The following TP53AIP1 variants were observed in gnomAD, a reference collection of about 807,000 sequenced individuals.
TP53AIP1 encodes the protein p53-regulated apoptosis-inducing protein 1.
TP53AIP1 carries 14 observed loss-of-function variants against 9.5 expected under a neutral mutation model. The ratio of observed to expected loss-of-function variants is 1.47; its 90% CI spans 0.97 to 2.30. TP53AIP1 has a LOEUF of 2.30. Among genes scored for constraint, TP53AIP1 ranks in the 30% most tolerant of loss-of-function variants. TP53AIP1 has a pLI of 0.00. For synonymous variants in TP53AIP1, 73 were observed against 61.2 expected (o/e 1.19, Z -0.90); for missense variants, 153 against 146.7 (o/e 1.04, Z -0.22).
Position 128,939,331 on chromosome 11 carries a change from G to A in TP53AIP1, c.-76-1437C>T, listed in dbSNP as rs1440443923. On this transcript the variant is annotated intron_variant, in intron 1 of 3. Transcript: ENST00000531399. This position sits in a 1 kb window ranked among gnomAD's most constrained non-coding sequence, Gnocchi z 4.1. ...CCCAGAAGAGCTGCCCAGGACAAGT[G>A]ATCCTGCGGCCCATTGCTCACTCCC... Among the ~76,000 whole-genome samples the A allele has an allele frequency of 1.3e-5, 2 of 152,170 alleles. No individual in the cohort carries two copies. The highest frequency in any genetic ancestry group is 6.5e-5 in the Admixed American group (1 of 15,280).
In TP53AIP1 at chr11:128,937,417, T is replaced by C. The variant is rs543279990; in HGVS notation, c.141+261A>G. The C allele has an allele frequency of 4.8e-6, 7 of 1,448,838 alleles. No homozygotes were observed. In the South Asian group the frequency reaches 1.0e-4, roughly 21 times the overall value. 89.7% of individuals were successfully genotyped at this position (1,448,838 alleles called of 1,614,324 possible). ...AAAAGCCTTGTTTCTCAGAAAACCT[T>C]TCTGCCTCCTAGAAACCCAGGATTC... On this transcript the variant is annotated intron_variant, in intron 2 of 3. Transcript: ENST00000531399. The surrounding 1 kb of genome is among the most constrained non-coding windows in gnomAD (Gnocchi z 4.8).
rs1944793283 is a variant in TP53AIP1 at position 128,935,428 on chromosome 11, C to T, written c.*163G>A. The T allele has an allele frequency of 1.4e-6, 2 of 1,417,438 alleles. No individual in the cohort carries two copies. Among genetic ancestry groups the T allele is most frequent in the Non-Finnish European group, 1.8e-6 (2 of 1,092,606 alleles). 87.8% of individuals were successfully genotyped at this position (1,417,438 alleles called of 1,614,324 possible). On this transcript the variant is annotated 3_prime_UTR_variant, in exon 4 of 4. Coordinates refer to ENST00000531399, the MANE Select transcript of TP53AIP1 (RefSeq NM_022112.3). ...ACAGAAGGATGCAAAATGAGGCAAC[C>T]TAGCCACCCAACTGGCCCAGTGGTC...
downstream of TP53AIP1, chr11:128,935,144 G>A (rs562248995): frequency 1.8e-4 from 139 of 783,018 alleles, no homozygotes; most frequent in Admixed American, 3.2e-4. Flanking sequence ...GACACCCAGC[G>A]GGGGCCCGGG....
Position 128,937,685 on chromosome 11 carries a change from G to A in TP53AIP1, c.134C>T (p.Pro45Leu). 6.2e-7 allele frequency: 1 copy of A among 1,614,200 alleles called. No individual in the cohort carries two copies. Among genetic ancestry groups the A allele is most frequent in the South Asian group, 1.1e-5 (1 of 91,078 alleles). Reference protein sequence around the residue: ...PPNGRAQTHTPGWVSDPLVLG... With the variant: ...PPNGRAQTHTLGWVSDPLVLG... The stretch of plus-strand genomic sequence containing the variant: ...TTCACTGCAGGGACTTACCCAGCCA[G>A]GTGTGTGTGTCTGAGCCCTGCCATT... Residue 45 changes from proline (P) to leucine (L), a missense_variant, in exon 2 of 4, where the codon CCT becomes CTT. Pro to Leu is a moderately conservative substitution (Grantham distance 98, BLOSUM62 -3). Coordinates refer to ENST00000531399, the MANE Select transcript of TP53AIP1 (RefSeq NM_022112.3). The surrounding 1 kb of genome is among the most constrained non-coding windows in gnomAD (Gnocchi z 4.8).
rs191861207 is a variant in TP53AIP1, at chr11:128,941,887, T to C, written c.-77+907A>G. 1.6e-3 allele frequency among the ~76,000 whole-genome samples: 238 copies of C among 152,348 alleles called. 1 individual carries two copies. The highest frequency in any genetic ancestry group is 5.3e-3 in the African/African-American group (220 of 41,570). On this transcript the variant is annotated intron_variant, in intron 1 of 3. Transcript: ENST00000531399. Reference sequence around the variant, plus strand: ...TGTGGCTGTGCTGCGGAAGCAGATCTGGGTGGAGGAGGGCCCCACGCACAG... The same window carrying C: ...TGTGGCTGTGCTGCGGAAGCAGATCCGGGTGGAGGAGGGCCCCACGCACAG...
At chr11:128,942,436 C>T (rs1220903275) in intron 1 of TP53AIP1, among the ~76,000 whole-genome samples, 1 of 152,234 alleles carries the variant, frequency 6.6e-6, no homozygotes, top group African/African-American at 2.4e-5. Context: ...TGCGAGCTTG[C>T]GCAGTAGCTC....
At chr11:128,941,500 A>G (rs1288798398) in intron 1 of TP53AIP1, among the ~76,000 whole-genome samples, 1 of 152,004 alleles carries the variant, frequency 6.6e-6, no homozygotes, top group Admixed American at 6.6e-5. Context: ...CCCCCAACGC[A>G]CCTTTCATTG....
chr11:128,940,471 T>C (rs993309021), intron 1 of TP53AIP1, among the ~76,000 whole-genome samples: 2 of 152,210 alleles, frequency 1.3e-5, no homozygotes, highest in African/African-American at 4.8e-5. Context: ...TGTCCTGATG[T>C]AGGTGCTGTG....
Position 128,935,532 on chromosome 11 carries a change from G to GT in TP53AIP1, c.*58dup. The GT allele has an allele frequency of 2.2e-6, 3 of 1,392,688 alleles. No homozygotes were observed. Among genetic ancestry groups the GT allele is most frequent in the Non-Finnish European group, 2.9e-6 (3 of 1,040,712 alleles). 86.3% of individuals were successfully genotyped at this position (1,392,688 alleles called of 1,614,324 possible). A position where few individuals can be genotyped will look rare whatever the true frequency, so the allele number is the denominator to read the frequency against. On this transcript the variant is annotated 3_prime_UTR_variant, in exon 4 of 4. Transcript: ENST00000531399. ...GCTTTCTGTTTGTTTGTTTGTTTTT[G>GT]TTTTGAGATGGAGTCTCTCTCTGTC...
rs901288398 is a variant in TP53AIP1, at chr11:128,939,038, C to T, written c.-76-1144G>A. On this transcript the variant is annotated intron_variant, in intron 1 of 3. Transcript: ENST00000531399. This position sits in a 1 kb window ranked among gnomAD's most constrained non-coding sequence, Gnocchi z 4.1. ...ACCACGCTAAGTACTGTGCGTGTACCATTTCTCGGAATACTTCCTGCAACC... is the reference window on the plus strand; with the variant it reads ...ACCACGCTAAGTACTGTGCGTGTACTATTTCTCGGAATACTTCCTGCAACC... Among the ~76,000 whole-genome samples the T allele has an allele frequency of 9.2e-5, 14 of 152,284 alleles. No homozygotes were observed. The highest frequency in any genetic ancestry group is 2.1e-4 in the Non-Finnish European group (14 of 68,016).
At position 128,937,566 on chromosome 11, in the gene TP53AIP1, C is replaced by G. The variant is rs1339477405; in HGVS notation, c.141+112G>C. ...AGCTCTGAGGACCCAGATGCTGTCA[C>G]TGGGTCCTGGTGAGTCTGAAAACTT... On this transcript the variant is annotated intron_variant, in intron 2 of 3. Transcript: ENST00000531399. This position sits in a 1 kb window ranked among gnomAD's most constrained non-coding sequence, Gnocchi z 4.8. 1 of 1,614,162 alleles carries G rather than the reference C, an allele frequency of 6.2e-7. No individual in the cohort carries two copies. The highest frequency in any genetic ancestry group is 1.7e-5 in the Admixed American group (1 of 60,028).
In TP53AIP1 at chr11:128,937,840, G is replaced by T; in HGVS notation, c.-22C>A. The T allele has an allele frequency of 6.3e-7, 1 of 1,586,092 alleles. No homozygotes were observed. The highest frequency in any genetic ancestry group is 1.4e-5 in the African/African-American group (1 of 73,562). ...CCATCCAGGGGAGGCCCTGTCTGCA[G>T]AAAGCAGAGAACTTGGCTTCTCCTC... On this transcript the variant is annotated 5_prime_UTR_variant, in exon 2 of 4. The change creates a new upstream start codon in the 5' untranslated region. Coordinates refer to ENST00000531399, the MANE Select transcript of TP53AIP1 (RefSeq NM_022112.3). This position sits in a 1 kb window ranked among gnomAD's most constrained non-coding sequence, Gnocchi z 4.8.
Position 128,937,252 on chromosome 11 carries a change from G to T in TP53AIP1, c.141+426C>A, listed in dbSNP as rs1944843241. On this transcript the variant is annotated intron_variant, in intron 2 of 3. Transcript: ENST00000531399. This position sits in a 1 kb window ranked among gnomAD's most constrained non-coding sequence, Gnocchi z 4.8. ...CCGAGGCCCATCTGGACAAAAGCAG[G>T]ATCCGGGGTGGACGCAGAAGAGCAG... 4 of 1,279,570 alleles carry T rather than the reference G, an allele frequency of 3.1e-6. No homozygotes were observed. In the East Asian group the frequency reaches 1.3e-4, roughly 40 times the overall value. The allele number at this position is 1,279,570 out of a possible 1,614,324, so 79.3% of individuals were successfully genotyped here.
At chr11:128,941,222 A>T (rs1003584727) in intron 1 of TP53AIP1, among the ~76,000 whole-genome samples, 1 of 152,030 alleles carries the variant, frequency 6.6e-6, no homozygotes, top group East Asian at 1.9e-4. Context: ...AAAGCCCACC[A>T]CTGTCTTCTT....
Position 128,936,598 on chromosome 11 carries a change from T to C in TP53AIP1, c.193A>G (p.Ile65Val), listed in dbSNP as rs780555994. The C allele has an allele frequency of 3.7e-5, 58 of 1,588,972 alleles. No homozygotes were observed. Among genetic ancestry groups the C allele is most frequent in the Non-Finnish European group, 4.5e-5 (53 of 1,175,714 alleles). Residue 65 changes from isoleucine to valine, a missense_variant, in exon 3 of 4, where the codon ATA (isoleucine) becomes GTA (valine). Physicochemically the swap from Ile to Val is conservative, Grantham distance 29 (BLOSUM62 3). Transcript: ENST00000531399. ...CCAGACGAGACTGACAGAGCTTCTA[T>C]TCCCCGGCACCCTCCGTGAACTTGG... is the stretch of plus-strand genomic sequence containing the variant. ...GAQVHGGCRG[I>V]EALSVSSGSW...
rs541060964 is a variant in TP53AIP1, at chr11:128,936,691, G to A, written c.142-42C>T. ...GCAGACTGTGAGGCCCTGCAGCGCC[G>A]TCTCTTGGATGGTTTATTCTTCTCT... On this transcript the variant is annotated intron_variant, in intron 2 of 3. Transcript: ENST00000531399. 67 of 1,538,168 alleles carry A rather than the reference G, an allele frequency of 4.4e-5. No homozygotes were observed. In the East Asian group the frequency reaches 1.0e-3, roughly 23 times the overall value.
At chr11:128,935,283 C>G (rs1402280702), downstream of TP53AIP1, 4 of 1,427,346 alleles carry the variant, frequency 2.8e-6, no homozygotes, top group African/African-American at 5.7e-5. Flanking sequence ...TTGGAGCATA[C>G]TTTTCCTTGC....
chr11:128,936,548 C>T lies in TP53AIP1; in HGVS notation c.243G>A (p.Trp81Ter), dbSNP rs1944827257. 1.3e-6 allele frequency: 2 copies of T among 1,574,212 alleles called. No homozygotes were observed. Among genetic ancestry groups the T allele is most frequent in the South Asian group, 2.3e-5 (2 of 86,594 alleles). ...GTAATTATCACACACCTGTCAGGAT[C>T]CAGACAGTTGCTGAGGACCAAGATC... Reference protein sequence around the residue: ...SSGSWSSATVWILTGLGLGLS... With the variant: ...SSGSWSSATV Residue 81 changes from tryptophan (W) to a stop codon, truncating the protein, a stop_gained, in exon 3 of 4, where the codon TGG becomes TGA. Transcript: ENST00000531399. LOFTEE classifies it low-confidence loss of function (END_TRUNC).
intron 3 of TP53AIP1, chr11:128,935,925 T>G: frequency 7.8e-7 from 1 of 1,277,334 alleles, no homozygotes; most frequent in Non-Finnish European, 9.9e-7. Context: ...CCAACAAAAA[T>G]GTATCTTGGA....
Sources: gnomAD v4.1 joint callset for allele counts (sites outside exome capture counted in the v4.1 genomes callset) on GRCh38, gnomAD v4.1.1 for gene constraint, Gnocchi (gnomAD v3.1) non-coding constraint, MANE v1.5 for transcripts, NCBI Gene and HGNC (gene_info 2026-07-23, HGNC 2026-07-21) for gene names.